HMGN5: variants seen among roughly 807,000 people sequenced by gnomAD.
The protein encoded by HMGN5 is high mobility group nucleosome binding domain 5.
Under a neutral mutation model 9.5 loss-of-function variants are expected in HMGN5, and 4 were observed. The ratio of observed to expected loss-of-function variants is 0.42; its 90% CI spans 0.21 to 0.96. The LOEUF (loss-of-function observed/expected upper bound fraction) is 0.96. HMGN5 is among the 40% of genes least tolerant of loss of function. The probability of loss-of-function intolerance (pLI) is 0.30; values close to 1 mark genes in which losing one functional copy is unlikely to be tolerated. For missense variants in HMGN5, 192 were observed against 187.5 expected (o/e 1.02, Z -0.14); for synonymous variants, 55 against 57.1 (o/e 0.96, Z 0.16).
intron 1 of HMGN5, among the ~76,000 whole-genome samples, chrX:81,154,793 A>G (rs1255196541): frequency 4.5e-5 from 5 of 110,662 alleles, no homozygotes; most frequent in Non-Finnish European, 7.6e-5. Flanking sequence ...ATTATCAGAG[A>G]AATTCAAATC....
At chrX:81,142,288 G>A (rs1447526332) in intron 1 of HMGN5, among the ~76,000 whole-genome samples, 1 of 111,524 alleles carries the variant, frequency 9.0e-6, no homozygotes, top group Non-Finnish European at 1.9e-5. Flanking sequence ...ATAGGGGGTA[G>A]AAAATTGATT....
chrX:81,130,539 A>T (rs764079231), intron 1 of HMGN5, among the ~76,000 whole-genome samples: 2 of 111,299 alleles, frequency 1.8e-5, no homozygotes, highest in South Asian at 7.4e-4. Flanking sequence ...TTAGATCAGA[A>T]ATCTATTATT....
intron 1 of HMGN5, among the ~76,000 whole-genome samples, chrX:81,141,000 A>G (rs760732707): frequency 9.0e-6 from 1 of 111,440 alleles, no homozygotes; most frequent in African/African-American, 3.3e-5. Context: ...GTGGGCCTTA[A>G]GAGAACATCA....
chrX:81,120,559 C>T (rs926946985), intron 2 of HMGN5, among the ~76,000 whole-genome samples: 1 of 110,824 alleles, frequency 9.0e-6, no homozygotes, highest in African/African-American at 3.3e-5. Context: ...CCACAGAGCA[C>T]GGGGGAATTT....
intron 1 of HMGN5, among the ~76,000 whole-genome samples, chrX:81,141,492 A>AGAGAAAG (rs2075329775): frequency 2.1e-5 from 1 of 47,795 alleles, no homozygotes; most frequent in South Asian, 8.3e-4. Context: ...GAGAGAGAGA[A>AGAGAAAG]AGAGAGAGAG....
At position 81,137,427 on chromosome X, in the gene HMGN5, C is replaced by T. The variant is rs756814265; in HGVS notation, c.-123-15755G>A. 5.4e-5 allele frequency among the ~76,000 whole-genome samples: 6 copies of T among 111,278 alleles called. No homozygotes were observed. In the East Asian group the frequency reaches 1.7e-3, roughly 31 times the overall value. ...ATTAGAAATCAATAATAAAACAAAA[C>T]AGGAAAATATCCAAATACTTCAAAA... On this transcript the variant is annotated intron_variant, in intron 1 of 6. Coordinates refer to ENST00000358130, the MANE Select transcript of HMGN5 (RefSeq NM_030763.3).
chrX:81,138,347 TG>T, intron 1 of HMGN5, among the ~76,000 whole-genome samples: 1 of 111,626 alleles, frequency 9.0e-6, no homozygotes, highest in Middle Eastern at 4.6e-3. Flanking sequence ...TAATTGTTTG[TG>T]GGTACATAGT....
intron 1 of HMGN5, among the ~76,000 whole-genome samples, chrX:81,160,356 C>T (rs759319509): frequency 9.0e-6 from 1 of 110,921 alleles, no homozygotes; most frequent in East Asian, 2.8e-4. Flanking sequence ...TCTTTTCTTG[C>T]TTTTTATTTA....
intron 1 of HMGN5, among the ~76,000 whole-genome samples, chrX:81,148,495 G>A (rs943702737): frequency 4.5e-5 from 5 of 112,049 alleles, no homozygotes; most frequent in Admixed American, 1.9e-4. Context: ...ATGGATTAAA[G>A]GCTTAAATGT....
intron 1 of HMGN5, among the ~76,000 whole-genome samples, chrX:81,180,323 C>A (rs901472620): frequency 1.8e-5 from 2 of 111,599 alleles, no homozygotes; most frequent in African/African-American, 3.3e-5. Flanking sequence ...GGCCTAATAT[C>A]CAGAATCTAC....
chrX:81,121,642 G>A lies in HMGN5; in HGVS notation c.-93C>T. 1.6e-6 allele frequency: 1 copy of A among 618,286 alleles called. No individual in the cohort carries two copies. Among genetic ancestry groups the A allele is most frequent in the East Asian group, 3.5e-5 (1 of 28,601 alleles). The allele number at this position is 618,286 out of a possible 1,213,427, so 51.0% of individuals were successfully genotyped here. A position where few individuals can be genotyped will look rare whatever the true frequency, so the allele number is the denominator to read the frequency against. On this transcript the variant is annotated 5_prime_UTR_variant, in exon 2 of 7. Coordinates refer to ENST00000358130, the MANE Select transcript of HMGN5 (RefSeq NM_030763.3). ...CTCCAAGAGCAAATGAGTTTTCAAT[G>A]AACTAACTGCAGCACGACCTGTACT...
chrX:81,116,959 CTG>C (rs1481277101), intron 5 of HMGN5, among the ~76,000 whole-genome samples: 1 of 110,750 alleles, frequency 9.0e-6, no homozygotes, highest in Non-Finnish European at 1.9e-5. Flanking sequence ...GCCGGAAAAC[CTG>C]TGTTTGAATT....
At chrX:81,138,112 C>T (rs1002987704) in intron 1 of HMGN5, among the ~76,000 whole-genome samples, 1 of 111,575 alleles carries the variant, frequency 9.0e-6, no homozygotes, top group African/African-American at 3.2e-5. Context: ...CAGTATTACC[C>T]TGCTACCAAA....
intron 1 of HMGN5, among the ~76,000 whole-genome samples, chrX:81,188,490 T>A (rs988681785): frequency 2.7e-5 from 3 of 109,326 alleles, no homozygotes; most frequent in African/African-American, 1.0e-4. Flanking sequence ...TTTTTATATA[T>A]ATATACTTTA....
chrX:81,157,792 T>C (rs781658751), intron 1 of HMGN5, among the ~76,000 whole-genome samples: 1 of 111,158 alleles, frequency 9.0e-6, no homozygotes, highest in Non-Finnish European at 1.9e-5. Context: ...ATAAATTTTT[T>C]TTTTTGAGAC....
chrX:81,121,638 C>T lies in HMGN5; in HGVS notation c.-89G>A. On this transcript the variant is annotated 5_prime_UTR_variant, in exon 2 of 7. An upstream open reading frame in the 5' UTR loses its in-frame stop. Transcript: ENST00000358130. ...ACTGCTCCAAGAGCAAATGAGTTTTCAATGAACTAACTGCAGCACGACCTG... is the reference window on the plus strand; with the variant it reads ...ACTGCTCCAAGAGCAAATGAGTTTTTAATGAACTAACTGCAGCACGACCTG... The T allele has an allele frequency of 1.5e-6, 1 of 648,012 alleles. No individual in the cohort carries two copies. Among genetic ancestry groups the T allele is most frequent in the Non-Finnish European group, 2.4e-6 (1 of 421,091 alleles). The allele number at this position is 648,012 out of a possible 1,213,427, so 53.4% of individuals were successfully genotyped here.
At chrX:81,139,395 C>T (rs1457762018) in intron 1 of HMGN5, among the ~76,000 whole-genome samples, 2 of 111,443 alleles carry the variant, frequency 1.8e-5, no homozygotes, top group Non-Finnish European at 3.8e-5. Flanking sequence ...TTAACTTACA[C>T]CTTATCTTAA....
intron 1 of HMGN5, among the ~76,000 whole-genome samples, chrX:81,151,933 C>A (rs775792186): frequency 1.8e-5 from 2 of 111,504 alleles, no homozygotes; most frequent in East Asian, 5.6e-4. Context: ...AATTTAATAC[C>A]TTTTAATATG....
chrX:81,166,996 A>G (rs2075412911), intron 1 of HMGN5, among the ~76,000 whole-genome samples: 1 of 111,318 alleles, frequency 9.0e-6, no homozygotes, highest in Non-Finnish European at 1.9e-5. Flanking sequence ...TACCACTTTC[A>G]GAATAGATAT....
Sources: gnomAD v4.1 joint callset for allele counts (sites outside exome capture counted in the v4.1 genomes callset) on GRCh38, gnomAD v4.1.1 for gene constraint, MANE v1.5 for transcripts, NCBI Gene and HGNC (gene_info 2026-07-23, HGNC 2026-07-21) for gene names.